Variants in KDM4B observed in about 807,000 individuals in gnomAD.
The protein encoded by KDM4B is lysine demethylase 4B.
Under a neutral mutation model 125.2 loss-of-function variants are expected in KDM4B, and 32 were observed. The ratio of observed to expected loss-of-function variants is 0.26; its 90% CI spans 0.19 to 0.34. The LOEUF is 0.34. Ranked by LOEUF, KDM4B falls within the 10% of genes least tolerant of loss-of-function variation. KDM4B has a pLI of 1.00. For synonymous variants in KDM4B, 721 were observed against 677.9 expected, an observed-to-expected ratio of 1.06 and a Z score of -0.99; for missense variants, 1,190 against 1,577.7, an observed-to-expected ratio of 0.75 and a Z score of 4.16.
chr19:5,024,008 C>T (rs1216817239), intron 2 of KDM4B, among the ~76,000 whole-genome samples: 1 of 152,098 alleles, frequency 6.6e-6, no homozygotes, highest in Non-Finnish European at 1.5e-5. Context: ...ACCTTGGCCT[C>T]CCACAGTGCT....
intron 6 of KDM4B, among the ~76,000 whole-genome samples, chr19:5,056,405 C>CTT (rs941745686): frequency 1.3e-3 from 175 of 136,294 alleles, no homozygotes; most frequent in African/African-American, 4.3e-3. Context: ...CCCTTTCTTT[C>CTT]TTTTTTTTTT....
intron 3 of KDM4B, among the ~76,000 whole-genome samples, chr19:5,038,629 C>T (rs573005636): frequency 5.3e-4 from 81 of 152,358 alleles, no homozygotes; most frequent in Admixed American, 2.7e-3. Context: ...TGGAAGTCCA[C>T]GTGGCCGCCA....
At chr19:4,973,705 C>T (rs2034340288) in intron 1 of KDM4B, among the ~76,000 whole-genome samples, 12 of 152,092 alleles carry the variant, frequency 7.9e-5, no homozygotes, top group Admixed American at 7.9e-4. Context: ...CTATTCCCTC[C>T]TGCTCCCTTG....
chr19:5,015,299 G>A (rs1263554336), intron 1 of KDM4B, among the ~76,000 whole-genome samples: 1 of 152,078 alleles, frequency 6.6e-6, no homozygotes, highest in African/African-American at 2.4e-5. Context: ...CCAGGTTGGA[G>A]TGCGTGCAAT....
rs368233459 is a variant in KDM4B, at chr19:5,012,882, C to T, written c.-108-3375C>T. 9.2e-5 allele frequency among the ~76,000 whole-genome samples: 14 copies of T among 152,192 alleles called. 1 individual carries two copies. Among genetic ancestry groups the T allele is most frequent in the African/African-American group, 3.1e-4 (13 of 41,434 alleles). On this transcript the variant is annotated intron_variant, in intron 1 of 22. Coordinates refer to ENST00000159111, the MANE Select transcript of KDM4B (RefSeq NM_015015.3). Reference sequence around the variant, plus strand: ...TTGTGCACTGATGGAAGGAAGTCACCGCATAGCCCATGCGTAAGGAATAGG... The same window carrying T: ...TTGTGCACTGATGGAAGGAAGTCACTGCATAGCCCATGCGTAAGGAATAGG...
At chr19:5,072,150 C>T (rs1165342889) in intron 7 of KDM4B, among the ~76,000 whole-genome samples, 1 of 152,230 alleles carries the variant, frequency 6.6e-6, no homozygotes, top group East Asian at 1.9e-4. Flanking sequence ...CCCTTCCAAA[C>T]CTTCGAGCCA....
At chr19:5,118,119 C>A (rs1347281509) in intron 10 of KDM4B, among the ~76,000 whole-genome samples, 1 of 152,122 alleles carries the variant, frequency 6.6e-6, no homozygotes, top group Admixed American at 6.5e-5. Flanking sequence ...GTGAGGAGGT[C>A]CTGGTAACAG....
In KDM4B at chr19:4,997,575, C is replaced by G. The variant is rs571305813; in HGVS notation, c.-108-18682C>G. Among the ~76,000 whole-genome samples the G allele has an allele frequency of 9.2e-5, 14 of 152,346 alleles. No individual in the cohort carries two copies. Among genetic ancestry groups the G allele is most frequent in the African/African-American group, 3.4e-4 (14 of 41,588 alleles). On this transcript the variant is annotated intron_variant, in intron 1 of 22. Coordinates refer to ENST00000159111, the MANE Select transcript of KDM4B (RefSeq NM_015015.3). The surrounding 1 kb of genome is among the most constrained non-coding windows in gnomAD (Gnocchi z 4.2). Reference sequence around the variant, plus strand: ...TGATCTAGGGTAGGCCACTTCCTGCCTGTGCCTCAGTTTCCTCTCCTGGGA... The same window carrying G: ...TGATCTAGGGTAGGCCACTTCCTGCGTGTGCCTCAGTTTCCTCTCCTGGGA...
In KDM4B at chr19:5,137,304, C is replaced by T. The variant is rs756096785; in HGVS notation, c.2351C>T (p.Thr784Met). Residue 784 changes from threonine to methionine, a missense_variant, in exon 16 of 23, where the codon ACG becomes ATG. By Grantham distance (81) the Thr-to-Met change is moderately conservative. Around this residue, in one of 7 missense-constraint regions of KDM4B, gnomAD observed 298 missense variants for 439.7 expected, o/e 0.68. Transcript: ENST00000159111. The stretch of plus-strand genomic sequence containing the variant: ...CCCGAGCTGGTCAATGAAGGCTGGA[C>T]GTGTTCCCGGTGCGCGGCCCACGCC... Reference protein sequence around the residue: ...IRPELVNEGWTCSRCAAHAWT... With the variant: ...IRPELVNEGWMCSRCAAHAWT... The T allele has an allele frequency of 1.5e-5, 24 of 1,580,990 alleles. No homozygotes were observed. The Admixed American group carries it at 3.3e-4, about 22-fold the overall frequency.
chr19:4,994,901 A>G (rs1200763849), intron 1 of KDM4B, among the ~76,000 whole-genome samples: 1 of 152,188 alleles, frequency 6.6e-6, no homozygotes, highest in African/African-American at 2.4e-5. Flanking sequence ...TAGGCATCTT[A>G]ACTTCTCAGA....
chr19:5,022,624 G>C (rs999204485), intron 2 of KDM4B, among the ~76,000 whole-genome samples: 1 of 152,162 alleles, frequency 6.6e-6, no homozygotes, highest in Non-Finnish European at 1.5e-5. Context: ...GGATGGTCCC[G>C]GGAGTTAGCT....
intron 6 of KDM4B, among the ~76,000 whole-genome samples, chr19:5,066,004 C>T (rs2037759082): frequency 6.6e-6 from 1 of 152,222 alleles, no homozygotes; most frequent in Non-Finnish European, 1.5e-5. Flanking sequence ...ACATGCGGCT[C>T]GTTGCTGCCT....
At chr19:5,040,241 G>GT (rs1202127621) in intron 4 of KDM4B, among the ~76,000 whole-genome samples, 1 of 152,066 alleles carries the variant, frequency 6.6e-6, no homozygotes, top group African/African-American at 2.4e-5. Context: ...GGGCTTCCCA[G>GT]TGCATGTCGG....
chr19:5,060,433 C>CAA lies in KDM4B; in HGVS notation c.627-10548_627-10547dup, dbSNP rs901472663. The stretch of plus-strand genomic sequence containing the variant: ...GGGTGACGGAGGAAGACTCTGTCTC[C>CAA]AAAAAAAAAAAAAAAAAAAAAAAAA... On this transcript the variant is annotated intron_variant, in intron 6 of 22. Transcript: ENST00000159111. Among the ~76,000 whole-genome samples, 162 of 32,928 alleles carry CAA rather than the reference C, an allele frequency of 4.9e-3. 5 individuals are homozygous for CAA. The highest frequency in any genetic ancestry group is 6.4e-3 in the Non-Finnish European group (99 of 15,428). The allele number at this position is 32,928 out of a possible 152,430, so 21.6% of individuals were successfully genotyped here. A position where few individuals can be genotyped will look rare whatever the true frequency, so the allele number is the denominator to read the frequency against.
chr19:5,052,476 G>T (rs757552282), intron 6 of KDM4B, among the ~76,000 whole-genome samples: 2 of 152,126 alleles, frequency 1.3e-5, no homozygotes, highest in African/African-American at 2.4e-5. Flanking sequence ...GGATGAGTCT[G>T]TCGCCCACCC....
rs537294006 is a variant in KDM4B, at chr19:5,035,332, G to A, written c.141+2301G>A. Among the ~76,000 whole-genome samples the A allele has an allele frequency of 1.3e-4, 20 of 152,102 alleles. 1 individual carries two copies. Among genetic ancestry groups the A allele is most frequent in the South Asian group, 1.2e-3 (6 of 4,824 alleles). ...CCCTTTCTGGCTTGGGATCCAAGGC[G>A]TCCTGATGTCAGGACGTTGAGGGGA... On this transcript the variant is annotated intron_variant, in intron 3 of 22. Coordinates refer to ENST00000159111, the MANE Select transcript of KDM4B (RefSeq NM_015015.3). The surrounding 1 kb of genome is among the most constrained non-coding windows in gnomAD (Gnocchi z 5.3).
Position 5,142,950 on chromosome 19 carries a change from A to T in KDM4B, c.2551-1017A>T, listed in dbSNP as rs918701000. 6.6e-6 allele frequency among the ~76,000 whole-genome samples: 1 copy of T among 151,990 alleles called. No individual in the cohort carries two copies. Among genetic ancestry groups the T allele is most frequent in the African/African-American group, 2.4e-5 (1 of 41,366 alleles). On this transcript the variant is annotated intron_variant, in intron 18 of 22. Transcript: ENST00000159111. This position sits in a 1 kb window ranked among gnomAD's most constrained non-coding sequence, Gnocchi z 5.4. Reference sequence around the variant, plus strand: ...CGGTGCTGGCTCGGGCAGGTGTTGCAGCGGGAGCCTCAAGGGATGAAAGGT... The same window carrying T: ...CGGTGCTGGCTCGGGCAGGTGTTGCTGCGGGAGCCTCAAGGGATGAAAGGT...
intron 9 of KDM4B, among the ~76,000 whole-genome samples, chr19:5,104,765 C>T (rs2039003504): frequency 2.6e-5 from 4 of 152,156 alleles, no homozygotes; most frequent in Admixed American, 2.0e-4. Context: ...AAACAGAAGA[C>T]CTCACTCCTC....
At chr19:5,003,603 A>AT (rs1056055923) in intron 1 of KDM4B, among the ~76,000 whole-genome samples, 6 of 151,814 alleles carry the variant, frequency 4.0e-5, no homozygotes, top group Non-Finnish European at 7.4e-5. Flanking sequence ...GAGGTCAGGA[A>AT]TTTGAGACCA....
Sources: allele counts gnomAD v4.1 joint callset (sites outside exome capture counted in the v4.1 genomes callset), GRCh38; gene constraint gnomAD v4.1.1; regional missense constraint gnomAD v4.1.1; non-coding constraint Gnocchi (gnomAD v3.1); transcripts MANE v1.5; gene names NCBI Gene and HGNC (gene_info 2026-07-23, HGNC 2026-07-21).